RAB31: variants seen among roughly 807,000 people sequenced by gnomAD.
The protein encoded by RAB31 is RAB31, member RAS oncogene family, also known as ras-related protein Rab-31.
Under a neutral mutation model 25.6 loss-of-function variants are expected in RAB31, and 21 were observed. The ratio of observed to expected loss-of-function variants is 0.82; its 90% CI spans 0.58 to 1.18. The LOEUF (loss-of-function observed/expected upper bound fraction) is 1.18. Among genes scored for constraint, RAB31 ranks in the 50% most tolerant of loss-of-function variants. The probability of loss-of-function intolerance (pLI) is 0.00; values close to 1 mark genes in which losing one functional copy is unlikely to be tolerated. For missense variants in RAB31, 196 were observed against 250.1 expected (o/e 0.78, Z 1.46); for synonymous variants, 87 against 84.0 (o/e 1.04, Z -0.20).
intron 3 of RAB31, among the ~76,000 whole-genome samples, chr18:9,813,346 C>T (rs2068584555): frequency 1.3e-5 from 2 of 152,192 alleles, no homozygotes; most frequent in Admixed American, 1.3e-4. Context: ...CCTTGCCATA[C>T]ATCTTTCCTT....
At position 9,766,319 on chromosome 18, in the gene RAB31, C is replaced by T. The variant is rs138494676; in HGVS notation, c.40-8959C>T. 5.4e-3 allele frequency among the ~76,000 whole-genome samples: 819 copies of T among 152,310 alleles called. 10 individuals are homozygous for T. Among genetic ancestry groups the T allele is most frequent in the African/African-American group, 0.019 (779 of 41,574 alleles). On this transcript the variant is annotated intron_variant, in intron 1 of 6. Coordinates refer to ENST00000578921, the MANE Select transcript of RAB31 (RefSeq NM_006868.4). This position sits in a 1 kb window ranked among gnomAD's most constrained non-coding sequence, Gnocchi z 4.3. ...ACCTCATCTCTGCATCTGCGAGCTC[C>T]ATCTGCCCCCGGAGTGGGTGAGCCA...
intron 1 of RAB31, among the ~76,000 whole-genome samples, chr18:9,752,670 A>G (rs2068241389): frequency 6.6e-6 from 1 of 152,214 alleles, no homozygotes; most frequent in Non-Finnish European, 1.5e-5. Context: ...TCATTCTTCT[A>G]AAGTTTCTAT....
At chr18:9,793,240 ATT>A (rs368388873) in intron 3 of RAB31, among the ~76,000 whole-genome samples, 3,404 of 145,724 alleles carry the variant, frequency 0.023, 133 homozygotes, top group African/African-American at 0.08. Context: ...CACCTGGCTG[ATT>A]TTTTTTTTTT....
In RAB31 at chr18:9,708,414, G is replaced by A. The variant is rs2067997148; in HGVS notation, c.9G>A (p.Ala3=). Residue 3 remains alanine, a synonymous_variant, in exon 1 of 7, where the codon GCG becomes GCA. Transcript: ENST00000578921. The surrounding 1 kb of genome is among the most constrained non-coding windows in gnomAD (Gnocchi z 6.4). ...TGCCTGGCTGCGAGCACATGATGGC[G>A]ATACGGGAGCTCAAAGTGTGCCTTC... MM[A]IRELKVCLLG... 6.4e-7 allele frequency: 1 copy of A among 1,568,968 alleles called. No homozygotes were observed. The highest frequency in any genetic ancestry group is 8.6e-7 in the Non-Finnish European group (1 of 1,159,122).
chr18:9,751,450 G>A (rs538937024), intron 1 of RAB31, among the ~76,000 whole-genome samples: 41 of 152,300 alleles, frequency 2.7e-4, no homozygotes, highest in African/African-American at 9.4e-4. Context: ...CAATGACCTT[G>A]GCCCGCGGTG....
chr18:9,829,177 C>G lies in RAB31; in HGVS notation c.380+13955C>G, dbSNP rs145940117. ...GTGCCACAGAGAACCCTTCCCCAAT[C>G]GTATCCTCTTCTCTCCACCCAGAAG... is the stretch of plus-strand genomic sequence containing the variant. On this transcript the variant is annotated intron_variant, in intron 5 of 6. Transcript: ENST00000578921. Among the ~76,000 whole-genome samples the G allele has an allele frequency of 1.1e-3, 165 of 152,332 alleles. 1 individual carries two copies. The highest frequency in any genetic ancestry group is 6.8e-3 in the Middle Eastern group (2 of 294).
chr18:9,759,233 A>C (rs1319171693), intron 1 of RAB31, among the ~76,000 whole-genome samples: 2 of 152,096 alleles, frequency 1.3e-5, no homozygotes, highest in Non-Finnish European at 2.9e-5. Flanking sequence ...TCTGTCACTA[A>C]GGCTTGAGTG....
chr18:9,774,964 C>G, intron 1 of RAB31: 1 of 524,774 alleles, frequency 1.9e-6, no homozygotes. Flanking sequence ...CTCTAGAGCC[C>G]TCCCAAGATT....
intron 5 of RAB31, 104 bp from the exon 6 acceptor site, chr18:9,845,478 A>G (rs1336565689): frequency 3.1e-6 from 3 of 964,838 alleles, no homozygotes; most frequent in Non-Finnish European, 4.4e-6. Flanking sequence ...TTATTCTACA[A>G]GAAGATAAAG....
intron 2 of RAB31, among the ~76,000 whole-genome samples, chr18:9,785,803 G>A (rs1327779985): frequency 2.0e-5 from 3 of 150,344 alleles, no homozygotes; most frequent in Admixed American, 6.6e-5. Flanking sequence ...GCTCACGCCT[G>A]TAATCCCATC....
At chr18:9,819,343 T>A (rs1052363645) in intron 5 of RAB31, among the ~76,000 whole-genome samples, 16 of 152,180 alleles carry the variant, frequency 1.1e-4, no homozygotes, top group African/African-American at 3.9e-4. Context: ...TCCCATTGAA[T>A]CTTTTGGGGG....
intron 5 of RAB31, among the ~76,000 whole-genome samples, chr18:9,840,795 A>G (rs1481665082): frequency 6.6e-6 from 1 of 152,136 alleles, no homozygotes; most frequent in Non-Finnish European, 1.5e-5. Context: ...ACAGACTACA[A>G]ATTTGGGGTC....
chr18:9,740,622 A>C (rs1026200335), intron 1 of RAB31, among the ~76,000 whole-genome samples: 5 of 152,048 alleles, frequency 3.3e-5, no homozygotes, highest in African/African-American at 4.8e-5. Flanking sequence ...CTGAGGCAGG[A>C]GAATTGCTTG....
intron 1 of RAB31, among the ~76,000 whole-genome samples, chr18:9,761,541 G>A (rs1444959800): frequency 2.6e-5 from 4 of 152,142 alleles, no homozygotes; most frequent in South Asian, 2.1e-4. Context: ...GTAGGTCCTC[G>A]GGCTGGGGGA....
At chr18:9,746,437 T>C (rs1474860260) in intron 1 of RAB31, among the ~76,000 whole-genome samples, 1 of 152,132 alleles carries the variant, frequency 6.6e-6, no homozygotes, top group Non-Finnish European at 1.5e-5. Context: ...ACATACAGAA[T>C]TGCAGGAGGC....
At chr18:9,719,397 G>T (rs1427494435) in intron 1 of RAB31, among the ~76,000 whole-genome samples, 1 of 135,694 alleles carries the variant, frequency 7.4e-6, no homozygotes, top group Non-Finnish European at 1.5e-5. Flanking sequence ...ACATGCTGTT[G>T]TAGTTTTAGA....
intron 1 of RAB31, among the ~76,000 whole-genome samples, chr18:9,749,868 C>G (rs1321230312): frequency 3.3e-5 from 5 of 152,196 alleles, no homozygotes; most frequent in Non-Finnish European, 7.3e-5. Flanking sequence ...GAGCAGCACA[C>G]TGAGGCTTTA....
In RAB31 at chr18:9,792,241, T is replaced by A; in HGVS notation, c.201+6T>A. ...ACACTGCTGGTCAGGAACGGGTGAG[T>A]ATATGCTGTTTTTTGGTGAAAACAA... On this transcript the variant is annotated splice_donor_region_variant and intron_variant, in intron 3 of 6. Coordinates refer to ENST00000578921, the MANE Select transcript of RAB31 (RefSeq NM_006868.4). 1 of 1,608,188 alleles carries A rather than the reference T, an allele frequency of 6.2e-7. No individual in the cohort carries two copies. Among genetic ancestry groups the A allele is most frequent in the African/African-American group, 1.3e-5 (1 of 74,944 alleles).
chr18:9,783,328 A>G (rs1321880515), intron 2 of RAB31, among the ~76,000 whole-genome samples: 1 of 151,880 alleles, frequency 6.6e-6, no homozygotes, highest in Non-Finnish European at 1.5e-5. Context: ...AGGCCACTGC[A>G]CTCTTCTTTC....
Sources: allele counts gnomAD v4.1 joint callset (sites outside exome capture counted in the v4.1 genomes callset), GRCh38; gene constraint gnomAD v4.1.1; non-coding constraint Gnocchi (gnomAD v3.1); transcripts MANE v1.5; gene names NCBI Gene and HGNC (gene_info 2026-07-23, HGNC 2026-07-21).